NCK2: variants seen among roughly 807,000 people sequenced by gnomAD.
The protein encoded by NCK2 is NCK adaptor protein 2.
In NCK2, 16 loss-of-function variants were observed where a neutral mutation model predicts 33.9. The observed-to-expected ratio is 0.47, with a 90% CI of 0.32 to 0.72. The LOEUF is 0.72. NCK2 is among the 30% of genes least tolerant of loss of function. The pLI is 0.03. For missense variants in NCK2, 418 were observed against 537.3 expected, an observed-to-expected ratio of 0.78 and a Z score of 2.19; for synonymous variants, 273 against 239.9, an observed-to-expected ratio of 1.14 and a Z score of -1.27.
intron 1 of NCK2, among the ~76,000 whole-genome samples, chr2:105,780,325 T>C (rs79087661): frequency 2.8e-3 from 414 of 147,486 alleles, no homozygotes; most frequent in African/African-American, 4.1e-3. Context: ...GAGAGATATA[T>C]ACACACACAC....
chr2:105,749,885 C>T (rs551741661), intron 1 of NCK2, among the ~76,000 whole-genome samples: 3 of 152,088 alleles, frequency 2.0e-5, no homozygotes, highest in Non-Finnish European at 2.9e-5. Context: ...CACACAGAGG[C>T]CGGGCGCAGT....
At chr2:105,890,690 T>G (rs1678933933) in intron 4 of NCK2, among the ~76,000 whole-genome samples, 1 of 152,226 alleles carries the variant, frequency 6.6e-6, no homozygotes, top group Non-Finnish European at 1.5e-5. Context: ...TCTTTTCTGT[T>G]AACAGCTATG....
At position 105,759,701 on chromosome 2, in the gene NCK2, C is replaced by T. The variant is rs150258063; in HGVS notation, c.-201+14563C>T. 2.5e-3 allele frequency among the ~76,000 whole-genome samples: 376 copies of T among 152,126 alleles called. 4 individuals carry two copies. Among genetic ancestry groups the T allele is most frequent in the African/African-American group, 8.7e-3 (360 of 41,502 alleles). On this transcript the variant is annotated intron_variant, in intron 1 of 4. Coordinates refer to ENST00000233154, the MANE Select transcript of NCK2 (RefSeq NM_003581.5). The stretch of plus-strand genomic sequence containing the variant: ...TTTGCCCTGACATCCTTTTTCTGTC[C>T]CAGGATCCCATCCAGGGCACGTTTC...
chr2:105,839,572 CA>C (rs1676557799), intron 2 of NCK2, among the ~76,000 whole-genome samples: 1 of 152,146 alleles, frequency 6.6e-6, no homozygotes, highest in Non-Finnish European at 1.5e-5. Context: ...GCGGGAGGCA[CA>C]GGAGGTAGTT....
At chr2:105,872,151 T>C (rs1367988630) in intron 3 of NCK2, among the ~76,000 whole-genome samples, 2 of 152,232 alleles carry the variant, frequency 1.3e-5, no homozygotes, top group Non-Finnish European at 2.9e-5. Flanking sequence ...ATTTTTGCTT[T>C]GCTCGACACG....
rs80253156 is a variant in NCK2 at position 105,843,729 on chromosome 2, G to A, written c.-16-11319G>A. 5.3e-5 allele frequency among the ~76,000 whole-genome samples: 8 copies of A among 152,354 alleles called. No homozygotes were observed. In the East Asian group the frequency reaches 1.5e-3, roughly 29 times the overall value. On this transcript the variant is annotated intron_variant, in intron 2 of 4. Transcript: ENST00000233154. ...AGTATAAAATAGCCGTAAGATCACA[G>A]TGATATAAATGATGGAATACGTTAA...
At chr2:105,833,928 C>G (rs1594403) in intron 2 of NCK2, among the ~76,000 whole-genome samples, 142,092 of 152,286 alleles carry the variant, frequency 0.93, 66,373 homozygotes, top group East Asian at 0.98. Flanking sequence ...TCAAGAGCAA[C>G]TTGTTTAATT....
At chr2:105,745,276 G>T (rs1689240490) in intron 1 of NCK2, 138 bp downstream of exon 1, 1 of 151,618 alleles carries the variant, frequency 6.6e-6, no homozygotes, top group Admixed American at 6.6e-5. Context: ...GCGCCCCTCC[G>T]GTGCTCTCGG....
intron 3 of NCK2, among the ~76,000 whole-genome samples, chr2:105,868,990 C>T (rs908153159): frequency 1.3e-5 from 2 of 152,150 alleles, no homozygotes; most frequent in Non-Finnish European, 2.9e-5. Flanking sequence ...ACAGGTGGAC[C>T]GCACCCAGGC....
intron 1 of NCK2, among the ~76,000 whole-genome samples, chr2:105,813,309 AG>A (rs2104475391): frequency 6.6e-6 from 1 of 152,318 alleles, no homozygotes; most frequent in East Asian, 1.9e-4. Context: ...AGCCTCCTGA[AG>A]GCTGACTTTA....
chr2:105,779,905 C>T (rs1223320314), intron 1 of NCK2, among the ~76,000 whole-genome samples: 1 of 152,050 alleles, frequency 6.6e-6, no homozygotes, highest in Non-Finnish European at 1.5e-5. Context: ...CCTACGAGAC[C>T]GCCTTCACCC....
At chr2:105,781,093 C>T (rs751819709) in intron 1 of NCK2, among the ~76,000 whole-genome samples, 9 of 152,172 alleles carry the variant, frequency 5.9e-5, no homozygotes, top group Admixed American at 3.9e-4. Flanking sequence ...CCACCTATTC[C>T]GGGGTTGGCT....
intron 3 of NCK2, among the ~76,000 whole-genome samples, chr2:105,869,913 A>T (rs964114387): frequency 5.3e-5 from 8 of 150,402 alleles, no homozygotes; most frequent in African/African-American, 7.3e-5. Context: ...CTTTTAGACC[A>T]TTTTTTTTTC....
chr2:105,820,640 G>C (rs1453042296), intron 2 of NCK2, among the ~76,000 whole-genome samples: 1 of 152,190 alleles, frequency 6.6e-6, no homozygotes, highest in African/African-American at 2.4e-5. Flanking sequence ...TGTCATTTTG[G>C]CAAACGCATA....
At chr2:105,891,851 A>G (rs925158321) in intron 4 of NCK2, among the ~76,000 whole-genome samples, 8 of 152,150 alleles carry the variant, frequency 5.3e-5, no homozygotes, top group African/African-American at 1.7e-4. Context: ...CTGGCCAATA[A>G]AAGACACATT....
intron 1 of NCK2, among the ~76,000 whole-genome samples, chr2:105,811,514 A>G (rs1405011350): frequency 6.6e-6 from 1 of 152,210 alleles, no homozygotes; most frequent in Non-Finnish European, 1.5e-5. Context: ...GTTCCCAGCT[A>G]GGGAATCCAG....
intron 1 of NCK2, among the ~76,000 whole-genome samples, chr2:105,750,037 A>AACACAC (rs72315025): frequency 0.32 from 45,604 of 144,386 alleles, 7,253 homozygotes; most frequent in African/African-American, 0.37. Context: ...AAAGCAAACA[A>AACACAC]ACACACACAC....
chr2:105,744,881 C>CGCA, upstream of NCK2: 1 of 161,174 alleles, frequency 6.2e-6, no homozygotes, highest in East Asian at 1.8e-4. Context: ...CCGCCGCCGC[C>CGCA]GCCGCCGCCG....
chr2:105,764,925 A>T (rs1194447717), intron 1 of NCK2, among the ~76,000 whole-genome samples: 1 of 152,130 alleles, frequency 6.6e-6, no homozygotes, highest in Non-Finnish European at 1.5e-5. Context: ...CCACACTTGC[A>T]TAAGTAGTGT....
Sources: gnomAD v4.1 joint callset for allele counts (sites outside exome capture counted in the v4.1 genomes callset) on GRCh38, gnomAD v4.1.1 for gene constraint, MANE v1.5 for transcripts, NCBI Gene and HGNC (gene_info 2026-07-23, HGNC 2026-07-21) for gene names.